The following C11orf65 variants were observed in gnomAD, a reference collection of about 807,000 sequenced individuals.
C11orf65 encodes protein MFI.
A neutral mutation model predicts 35.3 loss-of-function variants in C11orf65; 38 were observed. The observed-to-expected ratio is 1.08, with a 90% confidence interval of 0.83 to 1.41. C11orf65 has a LOEUF of 1.41. C11orf65 is among the 40% of genes most tolerant of loss of function. C11orf65 has a pLI of 0.00. For synonymous variants in C11orf65, 105 were observed against 114.4 expected, an observed-to-expected ratio of 0.92 and a Z score of 0.53; for missense variants, 370 against 367.1, an observed-to-expected ratio of 1.01 and a Z score of -0.06.
intron 2 of C11orf65, among the ~76,000 whole-genome samples, chr11:108,450,696 G>A (rs965743181): frequency 6.6e-6 from 1 of 150,988 alleles, no homozygotes. Context: ...AATGGGTGCA[G>A]TACACCAACA....
chr11:108,414,444 G>T (rs528871545), intron 3 of C11orf65, among the ~76,000 whole-genome samples: 1 of 151,980 alleles, frequency 6.6e-6, no homozygotes, highest in South Asian at 2.1e-4. Flanking sequence ...ATAACTCTAT[G>T]CCCTCAAATT....
At chr11:108,321,770 G>C (rs1290584292) in intron 6 of C11orf65, among the ~76,000 whole-genome samples, 2 of 151,110 alleles carry the variant, frequency 1.3e-5, no homozygotes, top group African/African-American at 2.4e-5. Flanking sequence ...CTGGGCAACA[G>C]AGCGAGACTC....
chr11:108,438,497 G>C (rs1591555259), intron 2 of C11orf65, among the ~76,000 whole-genome samples: 3 of 151,692 alleles, frequency 2.0e-5, no homozygotes, highest in African/African-American at 7.3e-5. Flanking sequence ...TTGGCACTGA[G>C]CTGAGATTGA....
chr11:108,318,239 G>A (rs537816956), intron 6 of C11orf65, among the ~76,000 whole-genome samples: 16 of 152,170 alleles, frequency 1.1e-4, no homozygotes, highest in Admixed American at 4.6e-4. Flanking sequence ...GCATGCGCCT[G>A]TAGTCCCAGC....
intron 6 of C11orf65, chr11:108,312,566 C>A (rs2084268311): frequency 1.8e-6 from 2 of 1,133,880 alleles, no homozygotes; most frequent in African/African-American, 1.5e-5. Context: ...TTGTTATAGA[C>A]ACTGTACAGA....
intron 2 of C11orf65, among the ~76,000 whole-genome samples, chr11:108,358,121 T>G: frequency 6.6e-6 from 1 of 150,984 alleles, no homozygotes; most frequent in Non-Finnish European, 1.5e-5. Context: ...GAGCTGAAAA[T>G]CAAGGCTCGA....
chr11:108,420,275 G>T (rs946660930), intron 3 of C11orf65, among the ~76,000 whole-genome samples: 1 of 152,158 alleles, frequency 6.6e-6, no homozygotes, highest in Admixed American at 6.5e-5. Context: ...TTTTCCAAAA[G>T]AAGATGCTTA....
intron 2 of C11orf65, among the ~76,000 whole-genome samples, chr11:108,435,777 T>A (rs75370152): frequency 0.011 from 1,678 of 152,304 alleles, 28 homozygotes; most frequent in African/African-American, 0.038. Context: ...CCTGCTCCCA[T>A]TCCCCTAAAA....
chr11:108,450,867 A>C (rs1415389227), intron 2 of C11orf65, among the ~76,000 whole-genome samples: 1 of 152,014 alleles, frequency 6.6e-6, no homozygotes, highest in Non-Finnish European at 1.5e-5. Flanking sequence ...ACAAATCAAT[A>C]AATGTAATCC....
chr11:108,433,076 G>A (rs1343218028), intron 2 of C11orf65, among the ~76,000 whole-genome samples: 1 of 151,962 alleles, frequency 6.6e-6, no homozygotes, highest in Non-Finnish European at 1.5e-5. Flanking sequence ...GTCTTCAGCT[G>A]AAATTTTTGG....
chr11:108,447,436 C>G (rs901746094), intron 2 of C11orf65, among the ~76,000 whole-genome samples: 8 of 152,120 alleles, frequency 5.3e-5, no homozygotes, highest in Admixed American at 6.5e-5. Context: ...AAAACTGTCT[C>G]TCAGACCACA....
At chr11:108,318,498 G>A (rs974025520) in intron 6 of C11orf65, among the ~76,000 whole-genome samples, 4 of 151,808 alleles carry the variant, frequency 2.6e-5, no homozygotes, top group African/African-American at 9.7e-5. Flanking sequence ...GAGACCAGCC[G>A]GGCCAACATG....
At chr11:108,383,932 G>A (rs183562571) in intron 8 of C11orf65, among the ~76,000 whole-genome samples, 20 of 146,924 alleles carry the variant, frequency 1.4e-4, no homozygotes, top group Middle Eastern at 3.5e-3. Context: ...GTGCAGTGGC[G>A]CAATCGCACA....
chr11:108,372,210 C>CA (rs2091592263), intron 2 of C11orf65, among the ~76,000 whole-genome samples: 1 of 151,914 alleles, frequency 6.6e-6, no homozygotes, highest in Non-Finnish European at 1.5e-5. Flanking sequence ...TTCATTCATT[C>CA]TGAGATGGAG....
At chr11:108,406,259 T>C (rs746918024) in intron 5 of C11orf65, among the ~76,000 whole-genome samples, 2 of 152,228 alleles carry the variant, frequency 1.3e-5, no homozygotes, top group Non-Finnish European at 2.9e-5. Flanking sequence ...AACAAATGAA[T>C]GAATTCATAC....
intron 2 of C11orf65, chr11:108,366,358 C>G (rs1386034128): frequency 6.5e-5 from 14 of 214,012 alleles, no homozygotes; most frequent in Non-Finnish European, 1.2e-4. Flanking sequence ...AATTATGCAT[C>G]ATTTTTCAGA....
chr11:108,314,098 G>A (rs1235101929), intron 6 of C11orf65, among the ~76,000 whole-genome samples: 1 of 152,038 alleles, frequency 6.6e-6, no homozygotes, highest in Non-Finnish European at 1.5e-5. Context: ...TTGTAGGACT[G>A]TATTTTCTAA....
At chr11:108,314,912 T>C (rs994226561) in intron 6 of C11orf65, among the ~76,000 whole-genome samples, 2 of 152,188 alleles carry the variant, frequency 1.3e-5, no homozygotes, top group African/African-American at 4.8e-5. Flanking sequence ...GAATCATCTG[T>C]CTGAAATTGT....
intron 8 of C11orf65, among the ~76,000 whole-genome samples, chr11:108,385,560 T>A (rs926324727): frequency 1.3e-5 from 2 of 152,018 alleles, no homozygotes; most frequent in Non-Finnish European, 2.9e-5. Flanking sequence ...CGGGTGCCTG[T>A]AGTTCCAGCT....
Sources: allele counts gnomAD v4.1 joint callset (sites outside exome capture counted in the v4.1 genomes callset), GRCh38; gene constraint gnomAD v4.1.1; transcripts MANE v1.5; gene names NCBI Gene and HGNC (gene_info 2026-07-23, HGNC 2026-07-21).